The following OXR1 variants were observed in gnomAD, a reference collection of about 807,000 sequenced individuals.
OXR1 encodes the protein oxidation resistance 1.
Under a neutral mutation model 104.6 loss-of-function variants are expected in OXR1, and 41 were observed. That is an observed-to-expected ratio of 0.39 (90% CI 0.31 to 0.51). OXR1 has a LOEUF of 0.51. OXR1 is among the 20% of genes least tolerant of loss of function. The pLI is 0.77. For missense variants in OXR1, 955 were observed against 1,031.9 expected (o/e 0.93, Z 1.02); for synonymous variants, 348 against 348.4 (o/e 1.00, Z 0.01).
At chr8:106,741,882 T>C (rs375078302) in intron 14 of OXR1, among the ~76,000 whole-genome samples, 9 of 152,306 alleles carry the variant, frequency 5.9e-5, no homozygotes, top group Non-Finnish European at 1.3e-4. Context: ...CGCAATCCCA[T>C]AGCATCATGT....
At chr8:106,580,073 T>C (rs1183706374) in intron 3 of OXR1, among the ~76,000 whole-genome samples, 3 of 152,220 alleles carry the variant, frequency 2.0e-5, no homozygotes, top group Non-Finnish European at 2.9e-5. Flanking sequence ...ACTATAGGCA[T>C]GAGAATAATT....
rs935748581 is a variant in OXR1 at position 106,557,562 on chromosome 8, T to A, written c.220+38423T>A. Among the ~76,000 whole-genome samples the A allele has an allele frequency of 3.6e-4, 54 of 149,956 alleles. 2 individuals are homozygous for A. Among genetic ancestry groups the A allele is most frequent in the Middle Eastern group, 6.8e-3 (2 of 292 alleles). On this transcript the variant is annotated intron_variant, in intron 3 of 16. Transcript: ENST00000517566. ...TTTTAGAATTCTACTTTTTTTTTTT[T>A]AAATTAGGAATAACTTTACTGCAAG...
At chr8:106,483,235 GAGTT>G (rs1285218669) in intron 2 of OXR1, among the ~76,000 whole-genome samples, 2 of 152,078 alleles carry the variant, frequency 1.3e-5, no homozygotes, top group African/African-American at 4.8e-5. Context: ...AGTCAGTAGA[GAGTT>G]AGTAGCAATG....
At position 106,480,064 on chromosome 8, in the gene OXR1, G is replaced by A. The variant is rs1357871920; in HGVS notation, c.24-38879G>A. Among the ~76,000 whole-genome samples the A allele has an allele frequency of 4.6e-5, 7 of 152,048 alleles. No individual in the cohort carries two copies. In the South Asian group the frequency reaches 1.2e-3, roughly 27 times the overall value. On this transcript the variant is annotated intron_variant, in intron 2 of 16. Transcript: ENST00000517566. The stretch of plus-strand genomic sequence containing the variant: ...CTCTATGTTTTTAACAACTATGGTA[G>A]CAATGCCTCAAATTTCTGGGATCCT...
At chr8:106,490,243 G>T (rs964598557) in intron 2 of OXR1, among the ~76,000 whole-genome samples, 8 of 152,166 alleles carry the variant, frequency 5.3e-5, no homozygotes, top group Admixed American at 3.9e-4. Context: ...TGATGGATTA[G>T]AGTGCAGGAA....
chr8:106,552,391 C>T (rs1368853526), intron 3 of OXR1, among the ~76,000 whole-genome samples: 2 of 152,100 alleles, frequency 1.3e-5, no homozygotes, highest in Non-Finnish European at 1.5e-5. Context: ...TGCCCCCCAC[C>T]TCTATATGAA....
At chr8:106,748,937 A>G (rs1039477443) in intron 16 of OXR1, among the ~76,000 whole-genome samples, 5 of 152,134 alleles carry the variant, frequency 3.3e-5, no homozygotes, top group East Asian at 1.9e-4. Flanking sequence ...ACACATCTCT[A>G]TACTTAAAAT....
At chr8:106,364,164 A>G (rs900989739) in intron 2 of OXR1, among the ~76,000 whole-genome samples, 5 of 152,244 alleles carry the variant, frequency 3.3e-5, no homozygotes, top group African/African-American at 4.8e-5. Context: ...AAATTTAGAA[A>G]TGGTGAATGA....
At chr8:106,355,076 T>C (rs1815907541) in intron 1 of OXR1, among the ~76,000 whole-genome samples, 2 of 152,066 alleles carry the variant, frequency 1.3e-5, no homozygotes, top group Non-Finnish European at 2.9e-5. Context: ...ACTAAATGAG[T>C]GACCTAAAGA....
chr8:106,737,553 G>C lies in OXR1; in HGVS notation c.1990G>C (p.Asp664His). 2 of 1,418,188 alleles carry C rather than the reference G, an allele frequency of 1.4e-6. No homozygotes were observed. The highest frequency in any genetic ancestry group is 1.9e-6 in the Non-Finnish European group (2 of 1,079,286). 87.9% of individuals were successfully genotyped at this position (1,418,188 alleles called of 1,614,324 possible). Residue 664 changes from aspartate to histidine, a missense_variant, in exon 12 of 17, where the codon GAT becomes CAT. Asp to His is a moderately conservative substitution (Grantham distance 81). Transcript: ENST00000517566. ...AGTGGCTGAGTATCACCGCAGGATC[G>C]ATGCTCTAAATACTGAAGAACTGCG... The part of the protein sequence containing the change: ...VSVAEYHRRI[D>H]ALNTEELRTL...
chr8:106,589,248 T>C (rs1341947377), intron 3 of OXR1, among the ~76,000 whole-genome samples: 1 of 151,668 alleles, frequency 6.6e-6, no homozygotes, highest in East Asian at 1.9e-4. Context: ...ACCCTCCAGG[T>C]GGGAGAGAGT....
chr8:106,389,633 C>A (rs530407230), intron 2 of OXR1, among the ~76,000 whole-genome samples: 1 of 152,142 alleles, frequency 6.6e-6, no homozygotes, highest in African/African-American at 2.4e-5. Flanking sequence ...CTGAGCTTAC[C>A]TCCCAAAGAG....
At chr8:106,277,115 T>G (rs1455083311) in intron 1 of OXR1, among the ~76,000 whole-genome samples, 5 of 152,220 alleles carry the variant, frequency 3.3e-5, no homozygotes, top group Non-Finnish European at 7.3e-5. Context: ...AAATAAATAA[T>G]GTATGTATTC....
chr8:106,527,021 T>A (rs1287236128), intron 3 of OXR1, among the ~76,000 whole-genome samples: 1 of 152,204 alleles, frequency 6.6e-6, no homozygotes, highest in African/African-American at 2.4e-5. Flanking sequence ...GTGAGGAACT[T>A]GGCCTTGAGA....
At chr8:106,531,149 A>G (rs1408448629) in intron 3 of OXR1, among the ~76,000 whole-genome samples, 1 of 152,240 alleles carries the variant, frequency 6.6e-6, no homozygotes, top group Non-Finnish European at 1.5e-5. Flanking sequence ...CTGTTTGATC[A>G]TTAATTTGAT....
At chr8:106,427,051 CTG>C (rs778177595) in intron 2 of OXR1, among the ~76,000 whole-genome samples, 67 of 152,246 alleles carry the variant, frequency 4.4e-4, no homozygotes, top group Admixed American at 8.5e-4. Context: ...TGATTCATGA[CTG>C]TATTCACTGA....
chr8:106,331,997 AGT>A (rs3073756), intron 1 of OXR1, among the ~76,000 whole-genome samples: 33,698 of 137,794 alleles, frequency 0.24, 3,939 homozygotes, highest in East Asian at 0.35. Flanking sequence ...GAAAGAACAT[AGT>A]GTGTGTGTGT....
intron 3 of OXR1, among the ~76,000 whole-genome samples, chr8:106,536,992 T>C (rs925260997): frequency 6.6e-6 from 1 of 152,154 alleles, no homozygotes; most frequent in Admixed American, 6.5e-5. Flanking sequence ...GTTTAAACAA[T>C]GAATGTTGAT....
At chr8:106,668,088 C>T (rs1246066184) in intron 3 of OXR1, among the ~76,000 whole-genome samples, 1 of 151,820 alleles carries the variant, frequency 6.6e-6, no homozygotes, top group Non-Finnish European at 1.5e-5. Context: ...CATTTTTCTC[C>T]TCCTCACATC....
Sources: allele counts gnomAD v4.1 joint callset (sites outside exome capture counted in the v4.1 genomes callset), GRCh38; gene constraint gnomAD v4.1.1; transcripts MANE v1.5; gene names NCBI Gene and HGNC (gene_info 2026-07-23, HGNC 2026-07-21).